Variants in DCDC1 observed in about 807,000 individuals in gnomAD.
DCDC1 encodes doublecortin domain-containing protein 1.
In DCDC1, 200 loss-of-function variants were observed where a neutral mutation model predicts 178.3. The observed-to-expected ratio is 1.12, with a 90% CI of 1.00 to 1.26. The LOEUF is 1.26. Among genes scored for constraint, DCDC1 ranks in the 50% most tolerant of loss-of-function variants. The probability of loss-of-function intolerance (pLI) is 0.00; values close to 1 mark genes in which losing one functional copy is unlikely to be tolerated. For missense variants in DCDC1, 1,983 were observed against 1,749.2 expected, an observed-to-expected ratio of 1.13 and a Z score of -2.38; for synonymous variants, 690 against 604.8, an observed-to-expected ratio of 1.14 and a Z score of -2.07.
At chr11:30,895,057 A>C (rs1291914365) in intron 34 of DCDC1, among the ~76,000 whole-genome samples, 7 of 152,244 alleles carry the variant, frequency 4.6e-5, no homozygotes, top group Non-Finnish European at 5.9e-5. Context: ...AAAGAGGTTT[A>C]AAAAGTCACA....
chr11:30,986,051 T>C (rs755955739), intron 20 of DCDC1, among the ~76,000 whole-genome samples: 15 of 152,154 alleles, frequency 9.9e-5, no homozygotes, highest in Middle Eastern at 3.2e-3. Flanking sequence ...CTGTAGTGTA[T>C]AAATCCAGAG....
intron 20 of DCDC1, among the ~76,000 whole-genome samples, chr11:30,954,172 C>T (rs945555499): frequency 2.0e-5 from 3 of 151,786 alleles, no homozygotes; most frequent in Admixed American, 6.6e-5. Context: ...CCTGCCACCA[C>T]GCCCGGCTAT....
At chr11:30,922,221 G>T (rs977544591) in intron 24 of DCDC1, among the ~76,000 whole-genome samples, 1 of 152,140 alleles carries the variant, frequency 6.6e-6, no homozygotes, top group African/African-American at 2.4e-5. Context: ...TTAATGGATG[G>T]AACAAAATGT....
chr11:31,362,292 T>C (rs1056732176), intron 1 of DCDC1, among the ~76,000 whole-genome samples: 3 of 152,078 alleles, frequency 2.0e-5, no homozygotes, highest in Admixed American at 2.0e-4. Flanking sequence ...AATTTAATAG[T>C]GATAGAGGAA....
chr11:30,985,387 T>C (rs1489646913), intron 20 of DCDC1, among the ~76,000 whole-genome samples: 1 of 152,206 alleles, frequency 6.6e-6, no homozygotes, highest in African/African-American at 2.4e-5. Flanking sequence ...ATAGAACTAA[T>C]GATAATCATG....
At chr11:31,323,836 A>T (rs1949504881) in intron 3 of DCDC1, among the ~76,000 whole-genome samples, 2 of 152,156 alleles carry the variant, frequency 1.3e-5, no homozygotes, top group South Asian at 4.1e-4. Flanking sequence ...AAGTACACAA[A>T]GCACAAAGTT....
In DCDC1 at chr11:30,919,194, T is replaced by C. The variant is rs151217495; in HGVS notation, c.3293+1582A>G. Among the ~76,000 whole-genome samples, 561 of 152,064 alleles carry C rather than the reference T, an allele frequency of 3.7e-3. 6 individuals carry two copies. Among genetic ancestry groups the C allele is most frequent in the South Asian group, 0.027 (130 of 4,806 alleles). ...GTATATTAAAAAATATTTCCAATAG[T>C]TTAAGGGCTGCCAAGTAGAAGAGGT... On this transcript the variant is annotated intron_variant, in intron 25 of 38. Transcript: ENST00000684477.
At chr11:30,873,364 T>TAGAGAGAGAGAGAGAG (rs3076153) in intron 38 of DCDC1, among the ~76,000 whole-genome samples, 46 of 137,082 alleles carry the variant, frequency 3.4e-4, no homozygotes, top group African/African-American at 1.2e-3. Context: ...TATATATATA[T>TAGAGAGAGAGAGAGAG]AGAGAGAGAG....
Position 31,119,522 on chromosome 11 carries a change from C to T in DCDC1, c.1485+7947G>A, listed in dbSNP as rs117865760. 6.1e-3 allele frequency among the ~76,000 whole-genome samples: 933 copies of T among 152,138 alleles called. 6 individuals carry two copies. The highest frequency in any genetic ancestry group is 9.7e-3 in the Non-Finnish European group (660 of 67,992). The stretch of plus-strand genomic sequence containing the variant: ...ATCAAGGAATGTACAATGGAAATAA[C>T]GTAATATGCACATAGAACAGTGAAA... On this transcript the variant is annotated intron_variant, in intron 11 of 38. Transcript: ENST00000684477.
intron 20 of DCDC1, among the ~76,000 whole-genome samples, chr11:30,980,989 C>T (rs1950366632): frequency 1.3e-5 from 2 of 152,128 alleles, no homozygotes; most frequent in African/African-American, 4.8e-5. Context: ...GGTATATATA[C>T]ACCACGAATA....
chr11:31,015,183 C>T (rs1282587839), intron 20 of DCDC1, among the ~76,000 whole-genome samples: 1 of 152,018 alleles, frequency 6.6e-6, no homozygotes, highest in Non-Finnish European at 1.5e-5. Context: ...CTCCTGACCT[C>T]GTGATCCACC....
At chr11:31,222,920 A>T (rs540232085) in intron 9 of DCDC1, among the ~76,000 whole-genome samples, 1 of 152,314 alleles carries the variant, frequency 6.6e-6, no homozygotes, top group Non-Finnish European at 1.5e-5. Context: ...TATTTGGCCC[A>T]TTGCAAAGAG....
rs1591224863 is a variant in DCDC1, at chr11:31,149,642, C to T, written c.1222-11858G>A. Among the ~76,000 whole-genome samples the T allele has an allele frequency of 5.3e-5, 8 of 152,118 alleles. 1 individual carries two copies. In the South Asian group the frequency reaches 1.7e-3, roughly 32 times the overall value. Reference sequence around the variant, plus strand: ...ACTTTATGAGCCATAACACTCACCACGAGGGTCTGCGGCTTTATTCCTGAA... The same window carrying T: ...ACTTTATGAGCCATAACACTCACCATGAGGGTCTGCGGCTTTATTCCTGAA... On this transcript the variant is annotated intron_variant, in intron 9 of 38. Coordinates refer to ENST00000684477, the MANE Select transcript of DCDC1 (RefSeq NM_001387274.1).
At chr11:31,324,448 T>C (rs1272454011) in intron 3 of DCDC1, among the ~76,000 whole-genome samples, 1 of 152,038 alleles carries the variant, frequency 6.6e-6, no homozygotes, top group African/African-American at 2.4e-5. Flanking sequence ...AAAGAAACAA[T>C]GATCTAGTCT....
chr11:30,869,104 T>C (rs945664355), intron 38 of DCDC1, among the ~76,000 whole-genome samples: 1 of 152,198 alleles, frequency 6.6e-6, no homozygotes, highest in Non-Finnish European at 1.5e-5. Flanking sequence ...GTCTGTCTGG[T>C]CTCTGATGGA....
chr11:31,031,633 C>T (rs1003602287), intron 20 of DCDC1, among the ~76,000 whole-genome samples: 1 of 151,882 alleles, frequency 6.6e-6, no homozygotes, highest in African/African-American at 2.4e-5. Context: ...TACAATAATA[C>T]TATTTCTGGA....
chr11:30,989,313 T>C (rs756438867), intron 20 of DCDC1, among the ~76,000 whole-genome samples: 5 of 152,146 alleles, frequency 3.3e-5, no homozygotes, highest in African/African-American at 7.2e-5. Context: ...GGAGAAGATA[T>C]TTTTCAATAT....
intron 6 of DCDC1, among the ~76,000 whole-genome samples, chr11:31,295,118 G>A (rs543386376): frequency 8.7e-4 from 133 of 152,268 alleles, no homozygotes; most frequent in African/African-American, 3.0e-3. Flanking sequence ...AGTAGTATTT[G>A]TATATAACCT....
intron 9 of DCDC1, among the ~76,000 whole-genome samples, chr11:31,224,251 C>CAT (rs1018009289): frequency 1.6e-4 from 24 of 151,638 alleles, no homozygotes; most frequent in African/African-American, 3.6e-4. Flanking sequence ...TATACATATA[C>CAT]ATATATATAT....
Sources: allele counts gnomAD v4.1 joint callset (sites outside exome capture counted in the v4.1 genomes callset), GRCh38; gene constraint gnomAD v4.1.1; transcripts MANE v1.5; gene names NCBI Gene and HGNC (gene_info 2026-07-23, HGNC 2026-07-21).